RAB2A: variants seen among roughly 807,000 people sequenced by gnomAD.
The protein encoded by RAB2A is RAB2A, member RAS oncogene family, also known as ras-related protein Rab-2A.
A neutral mutation model predicts 32.5 loss-of-function variants in RAB2A; 7 were observed. That is an observed-to-expected ratio of 0.22 (90% confidence interval 0.12 to 0.40). The LOEUF is 0.40. Among genes scored for constraint, RAB2A ranks in the 10% least tolerant of loss-of-function variants. The pLI is 1.00. For missense variants in RAB2A, 108 were observed against 260.7 expected (o/e 0.41, Z 4.03); for synonymous variants, 79 against 85.2 (o/e 0.93, Z 0.40).
intron 1 of RAB2A, among the ~76,000 whole-genome samples, chr8:60,526,047 A>ATATATG (rs1554550783): frequency 8.2e-6 from 1 of 121,588 alleles, no homozygotes; most frequent in Non-Finnish European, 1.7e-5. Flanking sequence ...ATATATATAT[A>ATATATG]TATATATATA....
rs184573140 is a variant in RAB2A, at chr8:60,607,483, C to T, written c.475-11097C>T. On this transcript the variant is annotated intron_variant, in intron 6 of 7. Coordinates refer to ENST00000262646, the MANE Select transcript of RAB2A (RefSeq NM_002865.3). ...TAGAGACAGTGTCTCTCTTATGTTG[C>T]CGAGGCTTGTCTCAAACTCTTCGGC... 3.1e-3 allele frequency among the ~76,000 whole-genome samples: 463 copies of T among 150,476 alleles called. 2 individuals are homozygous for T. The highest frequency in any genetic ancestry group is 0.011 in the African/African-American group (446 of 40,452).
At chr8:60,522,693 GAA>G (rs1451328428) in intron 1 of RAB2A, among the ~76,000 whole-genome samples, 1 of 152,104 alleles carries the variant, frequency 6.6e-6, no homozygotes, top group Admixed American at 6.6e-5. Flanking sequence ...AAATACAAGA[GAA>G]GGGGAGGTAA....
chr8:60,528,731 G>C (rs1362478656), intron 1 of RAB2A, among the ~76,000 whole-genome samples: 1 of 152,102 alleles, frequency 6.6e-6, no homozygotes, highest in Non-Finnish European at 1.5e-5. Flanking sequence ...GGCCATCCAA[G>C]TCCACTTATG....
intron 1 of RAB2A, among the ~76,000 whole-genome samples, chr8:60,521,689 G>T (rs954864296): frequency 1.3e-5 from 2 of 152,030 alleles, no homozygotes; most frequent in African/African-American, 4.8e-5. Context: ...GGCGCCATCT[G>T]GGTTCACTGC....
rs575686357 is a variant in RAB2A, at chr8:60,585,281, C to CG, written c.362+466_362+467insG. ...TATTTTCAAAATGCTAGGCACCATTCTTTTTGTTTTGTTTTGTTTTGTTTT... is the reference window on the plus strand; with the variant it reads ...TATTTTCAAAATGCTAGGCACCATTCGTTTTTGTTTTGTTTTGTTTTGTTTT... On this transcript the variant is annotated intron_variant, in intron 5 of 7. Coordinates refer to ENST00000262646, the MANE Select transcript of RAB2A (RefSeq NM_002865.3). Among the ~76,000 whole-genome samples the CG allele has an allele frequency of 5.7e-3, 759 of 133,418 alleles. 7 individuals are homozygous for CG. The highest frequency in any genetic ancestry group is 0.023 in the African/African-American group (695 of 29,980). 87.5% of individuals were successfully genotyped at this position (133,418 alleles called of 152,430 possible).
chr8:60,620,219 G>A (rs1476241907), intron 7 of RAB2A, among the ~76,000 whole-genome samples: 1 of 152,216 alleles, frequency 6.6e-6, no homozygotes, highest in Non-Finnish European at 1.5e-5. Flanking sequence ...TGTCTTTGGG[G>A]ATCATAGAAA....
At chr8:60,557,834 C>T (rs891723144) in intron 1 of RAB2A, among the ~76,000 whole-genome samples, 16 of 152,008 alleles carry the variant, frequency 1.1e-4, no homozygotes, top group African/African-American at 2.4e-5. Flanking sequence ...CCAAAGTGCT[C>T]GGATTACAGG....
intron 1 of RAB2A, among the ~76,000 whole-genome samples, chr8:60,547,797 A>C (rs1671885197): frequency 9.5e-6 from 1 of 105,726 alleles, no homozygotes; most frequent in African/African-American, 4.1e-5. Flanking sequence ...GGCGCCCCTC[A>C]CTTCCCGGAT....
At chr8:60,565,676 ATTTTTTTTTTTTTTTTTT>A (rs71252885) in intron 2 of RAB2A, among the ~76,000 whole-genome samples, 18 of 97,676 alleles carry the variant, frequency 1.8e-4, no homozygotes, top group South Asian at 6.6e-4. Context: ...TCTGTAGCTG[ATTTTTTTTTTTTTTTTTT>A]TTTTTTTTTT....
chr8:60,571,651 ATATC>A lies in RAB2A; in HGVS notation c.119-390_119-387del, dbSNP rs1808198951. Among the ~76,000 whole-genome samples, 3 of 152,284 alleles carry A rather than the reference ATATC, an allele frequency of 2.0e-5. No homozygotes were observed. The South Asian group carries it at 6.2e-4, about 32-fold the overall frequency. ...GGAACCAATACTATGATATTGAAAT[ATATC>A]TATCCCTTTTAGTGTTTTTTATACC... On this transcript the variant is annotated intron_variant, in intron 2 of 7. Transcript: ENST00000262646.
chr8:60,547,148 A>G (rs1432106585), intron 1 of RAB2A, among the ~76,000 whole-genome samples: 5 of 151,582 alleles, frequency 3.3e-5, no homozygotes, highest in Admixed American at 6.6e-5. Context: ...CACATCTTGC[A>G]CCGCCCTTAA....
intron 1 of RAB2A, among the ~76,000 whole-genome samples, chr8:60,547,698 G>A (rs1777196591): frequency 8.3e-6 from 1 of 120,740 alleles, no homozygotes. Context: ...TGGCCGGGCG[G>A]GGGGGCTGAC....
chr8:60,565,676 ATTTTTTTTTTTTTTTTTTTTTTTTTT>A (rs71252885), intron 2 of RAB2A, among the ~76,000 whole-genome samples: 15 of 97,708 alleles, frequency 1.5e-4, no homozygotes, highest in East Asian at 2.9e-4. Flanking sequence ...TCTGTAGCTG[ATTTTTTTTTTTTTTTTTTTTTTTTTT>A]TTTTTTTTTT....
At chr8:60,544,011 G>A (rs767123039) in intron 1 of RAB2A, among the ~76,000 whole-genome samples, 10 of 147,546 alleles carry the variant, frequency 6.8e-5, no homozygotes, top group South Asian at 4.3e-4. Flanking sequence ...GCAGTGAGCC[G>A]AGATTGCGCC....
chr8:60,563,581 C>G (rs893231638), intron 2 of RAB2A, among the ~76,000 whole-genome samples: 1 of 152,116 alleles, frequency 6.6e-6, no homozygotes. Flanking sequence ...TACTTCTCCC[C>G]GCCGTGTGAT....
At chr8:60,578,386 A>G (rs1166129189) in intron 3 of RAB2A, among the ~76,000 whole-genome samples, 2 of 152,214 alleles carry the variant, frequency 1.3e-5, no homozygotes, top group African/African-American at 4.8e-5. Flanking sequence ...TGTGGTAGAC[A>G]AGCTTTCCCA....
At chr8:60,523,777 G>C (rs1051448441) in intron 1 of RAB2A, among the ~76,000 whole-genome samples, 1 of 148,452 alleles carries the variant, frequency 6.7e-6, no homozygotes, top group African/African-American at 2.5e-5. Flanking sequence ...TGCAAGCTCC[G>C]TCTCCCGGGT....
chr8:60,582,149 A>G (rs1271602571), intron 3 of RAB2A, among the ~76,000 whole-genome samples: 1 of 151,920 alleles, frequency 6.6e-6, no homozygotes, highest in Non-Finnish European at 1.5e-5. Flanking sequence ...GGGTCTCGCC[A>G]TGTTAGCCAG....
At chr8:60,570,806 TGG>T (rs986403883) in intron 2 of RAB2A, among the ~76,000 whole-genome samples, 2 of 152,316 alleles carry the variant, frequency 1.3e-5, no homozygotes, top group Non-Finnish European at 2.9e-5. Context: ...TTTTATGTCA[TGG>T]GACAAATTAC....
Sources: gnomAD v4.1 joint callset for allele counts (sites outside exome capture counted in the v4.1 genomes callset) on GRCh38, gnomAD v4.1.1 for gene constraint, MANE v1.5 for transcripts, NCBI Gene and HGNC (gene_info 2026-07-23, HGNC 2026-07-21) for gene names.